The following RTN3 variants were observed in gnomAD, a reference collection of about 807,000 sequenced individuals.
The protein encoded by RTN3 is reticulon-3.
In RTN3, 49 loss-of-function variants were observed where a neutral mutation model predicts 77.8. The ratio of observed to expected loss-of-function variants is 0.63; its 90% CI spans 0.50 to 0.80. The LOEUF (loss-of-function observed/expected upper bound fraction) is 0.80. Among genes scored for constraint, RTN3 ranks in the 30% least tolerant of loss-of-function variants. RTN3 has a pLI of 0.00. For synonymous variants in RTN3, 464 were observed against 446.9 expected (o/e 1.04, Z -0.48); for missense variants, 1,236 against 1,211.9 (o/e 1.02, Z -0.29).
At chr11:63,734,779 A>AC (rs1218679610) in intron 3 of RTN3, among the ~76,000 whole-genome samples, 40 of 70,286 alleles carry the variant, frequency 5.7e-4, no homozygotes, top group Non-Finnish European at 1.0e-3. Flanking sequence ...ACACACACAC[A>AC]CACCATACTG....
At chr11:63,735,593 TCTC>T (rs1565334337) in intron 3 of RTN3, among the ~76,000 whole-genome samples, 1 of 149,128 alleles carries the variant, frequency 6.7e-6, no homozygotes, top group African/African-American at 2.5e-5. Flanking sequence ...TCTCTCTCTC[TCTC>T]TCTCTTTCTT....
At chr11:63,735,598 C>CTCTCTCTCTCTT (rs1238903324) in intron 3 of RTN3, among the ~76,000 whole-genome samples, 27 of 147,852 alleles carry the variant, frequency 1.8e-4, no homozygotes, top group South Asian at 4.3e-4. Context: ...CTCTCTCTCT[C>CTCTCTCTCTCTT]TCTTTCTTTC....
At chr11:63,721,074 G>T in intron 3 of RTN3, 42 bp downstream of exon 3, 1 of 1,498,404 alleles carries the variant, frequency 6.7e-7, no homozygotes, top group Non-Finnish European at 9.0e-7. Flanking sequence ...TTAATTCTGT[G>T]ATTGATTACT....
intron 3 of RTN3, 28 bp from the exon 4 acceptor site, chr11:63,749,963 T>A: frequency 6.5e-7 from 1 of 1,550,286 alleles, no homozygotes; most frequent in East Asian, 2.2e-5. Flanking sequence ...ATGTTTCTTA[T>A]AACTTATATT....
chr11:63,728,614 G>A (rs947077810), intron 3 of RTN3, among the ~76,000 whole-genome samples: 23 of 152,156 alleles, frequency 1.5e-4, no homozygotes, highest in Admixed American at 2.6e-4. Flanking sequence ...AAGAGGCTGG[G>A]CGCGGTGGCT....
chr11:63,756,142 C>A lies in RTN3; in HGVS notation c.3025C>A (p.Arg1009=). 2 of 1,613,128 alleles carry A rather than the reference C, an allele frequency of 1.2e-6. No homozygotes were observed. The highest frequency in any genetic ancestry group is 1.7e-6 in the Non-Finnish European group (2 of 1,179,198). ...GATTGATCACTATGTTGGCATCGCC[C>A]GAGATCAGACCAAGTCAATTGTTGA... ...TQIDHYVGIA[R]DQTKSIVEKI... is the part of the protein sequence containing the mutation. Residue 1009 remains arginine, a synonymous_variant, in exon 8 of 9, where the codon CGA becomes AGA. Transcript: ENST00000377819.
At chr11:63,693,767 C>T (rs1195405126) in intron 1 of RTN3, among the ~76,000 whole-genome samples, 1 of 152,104 alleles carries the variant, frequency 6.6e-6, no homozygotes, top group Non-Finnish European at 1.5e-5. Flanking sequence ...TTTCTACTAA[C>T]AACTTTAATC....
At chr11:63,683,662 C>T (rs973798223) in intron 1 of RTN3, among the ~76,000 whole-genome samples, 2 of 152,174 alleles carry the variant, frequency 1.3e-5, no homozygotes, top group African/African-American at 2.4e-5. Context: ...ACCTAATTGG[C>T]ACCTAAATTG....
At chr11:63,722,212 T>C (rs1445099092) in intron 3 of RTN3, among the ~76,000 whole-genome samples, 1 of 152,126 alleles carries the variant, frequency 6.6e-6, no homozygotes, top group Non-Finnish European at 1.5e-5. Flanking sequence ...TATGTAGAGG[T>C]CTGTGGTTTT....
At position 63,719,594 on chromosome 11, in the gene RTN3, A is replaced by G. The variant is rs1334713126; in HGVS notation, c.1092A>G (p.Gly364=). 3 of 1,614,002 alleles carry G rather than the reference A, an allele frequency of 1.9e-6. No homozygotes were observed. Among genetic ancestry groups the G allele is most frequent in the Non-Finnish European group, 2.5e-6 (3 of 1,180,042 alleles). ...CTGACTGCATCACAAAAACTACAGG[A>G]CTTGACATGAGTGAATATAATTCAG... The part of the protein sequence containing the change: ...KSSDCITKTT[G]LDMSEYNSEI... Residue 364 remains glycine, a synonymous_variant, in exon 3 of 9, where the codon GGA becomes GGG. Transcript: ENST00000377819.
intron 2 of RTN3, among the ~76,000 whole-genome samples, chr11:63,717,042 G>A (rs1053509314): frequency 6.6e-6 from 1 of 151,418 alleles, no homozygotes; most frequent in Admixed American, 6.6e-5. Flanking sequence ...ATGTGCCTGT[G>A]GTCCCAGCTA....
At chr11:63,744,307 A>G (rs1590878780) in intron 3 of RTN3, among the ~76,000 whole-genome samples, 1 of 151,826 alleles carries the variant, frequency 6.6e-6, no homozygotes, top group East Asian at 1.9e-4. Flanking sequence ...AAAATAAATA[A>G]TTTCCTGTTT....
chr11:63,702,429 C>G (rs1011136355), intron 1 of RTN3, among the ~76,000 whole-genome samples: 5 of 151,380 alleles, frequency 3.3e-5, no homozygotes, highest in African/African-American at 4.8e-5. Flanking sequence ...ATTCTCCTGC[C>G]TCAGCCTTCG....
rs932485094 is a variant in RTN3, at chr11:63,706,180, TTTGTTG to T, written c.199+1285_199+1290del. Among the ~76,000 whole-genome samples the T allele has an allele frequency of 2.0e-5, 3 of 152,024 alleles. 1 individual carries two copies. The highest frequency in any genetic ancestry group is 4.4e-5 in the Non-Finnish European group (3 of 68,002). The stretch of plus-strand genomic sequence containing the variant: ...ACATGGTAGGGAATTTTTTTTTTAA[TTTGTTG>T]TTGTTGTTGTTTTGAGATAGGGTCT... On this transcript the variant is annotated intron_variant, in intron 2 of 8. Transcript: ENST00000377819.
rs747945264 is a variant in RTN3, at chr11:63,730,646, C to T, written c.2530+9614C>T. Among the ~76,000 whole-genome samples, 71 of 152,012 alleles carry T rather than the reference C, an allele frequency of 4.7e-4. 1 individual carries two copies. The highest frequency in any genetic ancestry group is 6.8e-3 in the Middle Eastern group (2 of 294). ...CTACCCTGGAGTTTTTTTGTAGAGA[C>T]CCCCATCTCTACAAAAATTCAAAAA... On this transcript the variant is annotated intron_variant, in intron 3 of 8. Transcript: ENST00000377819.
chr11:63,737,348 G>A (rs781746280), intron 3 of RTN3, among the ~76,000 whole-genome samples: 1 of 152,220 alleles, frequency 6.6e-6, no homozygotes, highest in Non-Finnish European at 1.5e-5. Context: ...GGTGTCTCAT[G>A]CCTGTAATCC....
intron 3 of RTN3, among the ~76,000 whole-genome samples, chr11:63,723,276 C>T (rs1182800628): frequency 1.3e-5 from 2 of 151,956 alleles, no homozygotes; most frequent in Non-Finnish European, 2.9e-5. Context: ...TTGCAGCTTT[C>T]AAAAGTGAAA....
chr11:63,681,829 T>C, intron 1 of RTN3, 51 bp downstream of exon 1: 1 of 1,463,822 alleles, frequency 6.8e-7, no homozygotes, highest in Non-Finnish European at 9.0e-7. Context: ...AGCGGGAGCC[T>C]GGGGGCTGGG....
intron 2 of RTN3, among the ~76,000 whole-genome samples, chr11:63,706,880 AT>A (rs919838163): frequency 4.1e-5 from 6 of 148,092 alleles, no homozygotes; most frequent in Admixed American, 2.0e-4. Flanking sequence ...TTAAGTCACT[AT>A]TTTTTTTCTT....
Sources: allele counts gnomAD v4.1 joint callset (sites outside exome capture counted in the v4.1 genomes callset), GRCh38; gene constraint gnomAD v4.1.1; transcripts MANE v1.5; gene names NCBI Gene and HGNC (gene_info 2026-07-23, HGNC 2026-07-21).